EFHC2: variants seen among roughly 807,000 people sequenced by gnomAD.
EFHC2 encodes EF-hand domain-containing family member C2.
EFHC2 carries 18 observed loss-of-function variants against 52.7 expected under a neutral mutation model. The observed-to-expected ratio is 0.34, with a 90% CI of 0.24 to 0.51. The LOEUF (loss-of-function observed/expected upper bound fraction) is 0.51. Ranked by LOEUF, EFHC2 falls within the 20% of genes least tolerant of loss-of-function variation. The pLI is 0.97. For synonymous variants in EFHC2, 203 were observed against 204.1 expected (o/e 0.99, Z 0.04); for missense variants, 513 against 562.5 (o/e 0.91, Z 0.89).
intron 14 of EFHC2, among the ~76,000 whole-genome samples, chrX:44,158,688 G>C (rs757911887): frequency 5.1e-4 from 56 of 110,564 alleles, no homozygotes; most frequent in Non-Finnish European, 7.4e-4. Context: ...GCACCCCCGG[G>C]ACCTACACAT....
intron 11 of EFHC2, among the ~76,000 whole-genome samples, chrX:44,227,920 A>G: frequency 9.0e-6 from 1 of 111,393 alleles, no homozygotes; most frequent in Non-Finnish European, 1.9e-5. Context: ...CAGAGACAGG[A>G]AAGAGCTTGA....
chrX:44,176,831 C>A (rs909035717), intron 12 of EFHC2, among the ~76,000 whole-genome samples: 1 of 111,931 alleles, frequency 8.9e-6, no homozygotes, highest in African/African-American at 3.2e-5. Context: ...ACCTTATCAC[C>A]TGGAAGCCCC....
intron 2 of EFHC2, among the ~76,000 whole-genome samples, chrX:44,311,127 G>A (rs925832747): frequency 8.9e-5 from 10 of 111,784 alleles, no homozygotes; most frequent in African/African-American, 2.9e-4. Context: ...ACCCAAGTCA[G>A]TCAGCCCAGA....
At position 44,274,624 on chromosome X, in the gene EFHC2, G is replaced by A. The variant is rs762269985; in HGVS notation, c.232-1788C>T. ...TATATTTCAACTTTTAAAAAGTAGG[G>A]GGAGGGAGCTGGCTACAGTGGCTCA... On this transcript the variant is annotated intron_variant, in intron 2 of 14. Coordinates refer to ENST00000420999, the MANE Select transcript of EFHC2 (RefSeq NM_025184.4). 2.1e-4 allele frequency among the ~76,000 whole-genome samples: 23 copies of A among 112,136 alleles called. No individual in the cohort carries two copies. In the South Asian group the frequency reaches 7.7e-3, roughly 38 times the overall value.
At chrX:44,154,922 C>T (rs993132669) in intron 14 of EFHC2, among the ~76,000 whole-genome samples, 2 of 111,427 alleles carry the variant, frequency 1.8e-5, no homozygotes, top group Non-Finnish European at 3.8e-5. Flanking sequence ...TGCAATTTTG[C>T]ATTTATCAAA....
rs752634480 is a variant in EFHC2, at chrX:44,229,730, T to G, written c.1670A>C (p.Glu557Ala). ...KLALQKLKQE[E>A]GKSRELKQVF... Reference sequence around the variant, plus strand: ...CTGCTTGAGCTCTCTGGATTTTCCTTCTTCTTGCTTCAGCTTTTGTAGGGC... The same window carrying G: ...CTGCTTGAGCTCTCTGGATTTTCCTGCTTCTTGCTTCAGCTTTTGTAGGGC... The change falls in exon 11 of 15, where the codon GAA becomes GCA. Residue 557 changes from glutamate to alanine, a missense_variant. Glu to Ala is a moderately radical substitution (Grantham distance 107). Transcript: ENST00000420999. 8.3e-7 allele frequency: 1 copy of G among 1,208,484 alleles called. No individual in the cohort carries two copies. The highest frequency in any genetic ancestry group is 1.1e-6 in the Non-Finnish European group (1 of 894,445).
intron 4 of EFHC2, 104 bp from the exon 5 acceptor site, chrX:44,250,549 G>A: frequency 2.1e-6 from 2 of 947,802 alleles, no homozygotes; most frequent in East Asian, 3.5e-5. Flanking sequence ...TTTTGGTCAG[G>A]CATGGTGGCT....
chrX:44,176,833 G>A (rs963568303), intron 12 of EFHC2, among the ~76,000 whole-genome samples: 3 of 111,798 alleles, frequency 2.7e-5, no homozygotes, highest in African/African-American at 9.8e-5. Flanking sequence ...CTTATCACCT[G>A]GAAGCCCCAG....
At chrX:44,247,973 C>A (rs775013810) in intron 7 of EFHC2, among the ~76,000 whole-genome samples, 22 of 111,403 alleles carry the variant, frequency 2.0e-4, no homozygotes, top group African/African-American at 7.2e-4. Flanking sequence ...AAAACATTTA[C>A]CCCCCCAGCA....
chrX:44,157,860 T>C (rs1287927846), intron 14 of EFHC2, among the ~76,000 whole-genome samples: 1 of 110,233 alleles, frequency 9.1e-6, no homozygotes, highest in East Asian at 2.9e-4. Flanking sequence ...CTCACGGGTA[T>C]AGGGGCTTAG....
At chrX:44,310,502 A>AGGGGCC in intron 2 of EFHC2, 1 of 477,046 alleles carries the variant, frequency 2.1e-6, no homozygotes, top group Non-Finnish European at 3.4e-6. Context: ...AAGGAGAGTG[A>AGGGGCC]GGGGCCGGGA....
intron 1 of EFHC2, among the ~76,000 whole-genome samples, chrX:44,329,273 CA>C (rs773975825): frequency 6.4e-5 from 7 of 109,402 alleles, no homozygotes; most frequent in Non-Finnish European, 9.5e-5. Flanking sequence ...TTAGGAAAAA[CA>C]AAAAAAAGAC....
At chrX:44,164,696 A>T (rs1242688764) in intron 13 of EFHC2, among the ~76,000 whole-genome samples, 1 of 111,902 alleles carries the variant, frequency 8.9e-6, no homozygotes, top group African/African-American at 3.2e-5. Context: ...TTAAGAATAG[A>T]TATCTCTGGG....
In EFHC2 at chrX:44,265,192, G is replaced by T. The variant is rs187538264; in HGVS notation, c.383-3894C>A. ...CAGTTGAGACTTGCCTTAGATCTTT[G>T]CTCATACCACTAAATTTACTTTTCT... is the stretch of plus-strand genomic sequence containing the variant. On this transcript the variant is annotated intron_variant, in intron 3 of 14. Transcript: ENST00000420999. Among the ~76,000 whole-genome samples, 6 of 111,914 alleles carry T rather than the reference G, an allele frequency of 5.4e-5. No homozygotes were observed. The Admixed American group carries it at 5.7e-4, about 11-fold the overall frequency.
In EFHC2 at chrX:44,186,103, T is replaced by A. The variant is rs1369351645; in HGVS notation, c.1752-7539A>T. Among the ~76,000 whole-genome samples, 8 of 111,913 alleles carry A rather than the reference T, an allele frequency of 7.1e-5. No individual in the cohort carries two copies. The South Asian group carries it at 1.5e-3, about 21-fold the overall frequency. ...TGTAGTGGAATGTACATGGTAATTT[T>A]AATTTATTTAGTTTGAAATTCAGTA... is the stretch of plus-strand genomic sequence containing the variant. On this transcript the variant is annotated intron_variant, in intron 11 of 14. Coordinates refer to ENST00000420999, the MANE Select transcript of EFHC2 (RefSeq NM_025184.4).
intron 2 of EFHC2, among the ~76,000 whole-genome samples, chrX:44,279,587 ATTATC>A (rs924162862): frequency 4.5e-5 from 5 of 111,448 alleles, no homozygotes; most frequent in Non-Finnish European, 9.4e-5. Flanking sequence ...CATAAGATAA[ATTATC>A]TTATAATAAT....
intron 2 of EFHC2, among the ~76,000 whole-genome samples, chrX:44,292,146 G>T (rs1019383920): frequency 7.2e-5 from 8 of 110,697 alleles, no homozygotes; most frequent in Non-Finnish European, 1.3e-4. Context: ...GTGTTTTTTT[G>T]TGTGTATATA....
intron 2 of EFHC2, among the ~76,000 whole-genome samples, chrX:44,278,259 C>T (rs764031897): frequency 1.8e-5 from 2 of 111,836 alleles, no homozygotes; most frequent in East Asian, 5.6e-4. Context: ...CCTGTAATCC[C>T]AGCTACTCAG....
chrX:44,185,082 T>C (rs1467643580), intron 11 of EFHC2, among the ~76,000 whole-genome samples: 1 of 112,259 alleles, frequency 8.9e-6, no homozygotes, highest in East Asian at 2.8e-4. Context: ...CAATAAATAA[T>C]AGCAATTTTT....
Sources: allele counts gnomAD v4.1 joint callset (sites outside exome capture counted in the v4.1 genomes callset), GRCh38; gene constraint gnomAD v4.1.1; transcripts MANE v1.5; gene names NCBI Gene and HGNC (gene_info 2026-07-23, HGNC 2026-07-21).